Variants in STK3 observed in about 807,000 individuals in gnomAD.
The protein encoded by STK3 is serine/threonine-protein kinase 3.
Under a neutral mutation model 58.0 loss-of-function variants are expected in STK3, and 41 were observed. The ratio of observed to expected loss-of-function variants is 0.71; its 90% CI spans 0.55 to 0.92. STK3 has a LOEUF of 0.92. Among genes scored for constraint, STK3 ranks in the 40% least tolerant of loss-of-function variants. The pLI is 0.00. For missense variants in STK3, 479 were observed against 602.7 expected, an observed-to-expected ratio of 0.79 and a Z score of 2.15; for synonymous variants, 170 against 191.0, an observed-to-expected ratio of 0.89 and a Z score of 0.91.
intron 1 of STK3, among the ~76,000 whole-genome samples, chr8:98,929,002 A>G (rs1839910468): frequency 6.6e-6 from 1 of 152,264 alleles, no homozygotes. Flanking sequence ...ATGGTGGTTC[A>G]TGCCTTTAAT....
intron 2 of STK3, among the ~76,000 whole-genome samples, chr8:98,770,386 G>C (rs1333412556): frequency 2.6e-5 from 4 of 152,172 alleles, no homozygotes; most frequent in African/African-American, 9.7e-5. Flanking sequence ...GAACCCTAAA[G>C]AATATGTGTG....
chr8:98,762,738 G>GT (rs1830708707), intron 3 of STK3, among the ~76,000 whole-genome samples: 1 of 152,226 alleles, frequency 6.6e-6, no homozygotes, highest in African/African-American at 2.4e-5. Flanking sequence ...CACCAGGAGG[G>GT]TAGGGACTAT....
At chr8:98,456,134 A>G in intron 10 of STK3, 134 bp from the exon 11 acceptor site, 1 of 930,222 alleles carries the variant, frequency 1.1e-6, no homozygotes, top group Non-Finnish European at 1.6e-6. Flanking sequence ...TCATCTTTGA[A>G]GTATAGTTCA....
At position 98,428,310 on chromosome 8, in the gene STK3, A is replaced by C. The variant is rs1174796565; in HGVS notation, n.483+5817T>G. The C allele has an allele frequency of 6.2e-7, 1 of 1,614,150 alleles. No homozygotes were observed. Among genetic ancestry groups the C allele is most frequent in the South Asian group, 1.1e-5 (1 of 91,070 alleles). On this transcript the variant is annotated intron_variant and non_coding_transcript_variant, in intron 3 of 3. Transcript: ENST00000517832. The surrounding 1 kb of genome is among the most constrained non-coding windows in gnomAD (Gnocchi z 6.7). ...CCAGGAGATCGAGTACTGGGGCATC[A>C]ACGAGTTCTTCATTGACTCCTGCTG...
chr8:98,364,586 G>A, the STK3 span, among the ~76,000 whole-genome samples: 3 of 152,198 alleles, frequency 2.0e-5, no homozygotes, highest in African/African-American at 4.8e-5. Flanking sequence ...TCTTCCAAAC[G>A]CAATTATGTG....
At chr8:98,571,503 G>T (rs187084095) in intron 8 of STK3, among the ~76,000 whole-genome samples, 6 of 152,240 alleles carry the variant, frequency 3.9e-5, no homozygotes, top group Admixed American at 1.3e-4. Flanking sequence ...CCCATGCTGA[G>T]AATTAATTGC....
chr8:98,842,550 C>A (rs773034313), intron 3 of STK3, among the ~76,000 whole-genome samples: 1 of 151,780 alleles, frequency 6.6e-6, no homozygotes, highest in Non-Finnish European at 1.5e-5. Flanking sequence ...TGGTGGCATG[C>A]GCCTGTAGTC....
chr8:98,598,399 T>G (rs1192669414), intron 6 of STK3: 28 of 985,256 alleles, frequency 2.8e-5, no homozygotes, highest in Admixed American at 6.2e-5. Context: ...TGAACAAGCA[T>G]GAACACCGAG....
intron 3 of STK3, chr8:98,427,100 G>C (rs1484948406): frequency 1.3e-5 from 2 of 150,468 alleles, no homozygotes; most frequent in Non-Finnish European, 3.0e-5. Flanking sequence ...GGCTCCGGGA[G>C]CGGCGGGACC....
At chr8:98,802,173 T>TA (rs990168458) in intron 1 of STK3, among the ~76,000 whole-genome samples, 52 of 151,986 alleles carry the variant, frequency 3.4e-4, no homozygotes, top group African/African-American at 1.2e-3. Flanking sequence ...CCCTGTCTCT[T>TA]AAAAAAATAA....
intron 6 of STK3, among the ~76,000 whole-genome samples, chr8:98,665,628 C>T (rs1292329281): frequency 6.6e-6 from 1 of 151,882 alleles, no homozygotes; most frequent in Admixed American, 6.6e-5. Flanking sequence ...CTCCTAGACT[C>T]AAGGAATCCT....
intron 3 of STK3, among the ~76,000 whole-genome samples, chr8:98,410,300 C>T (rs981949495): frequency 1.3e-5 from 2 of 152,174 alleles, no homozygotes; most frequent in African/African-American, 4.8e-5. Flanking sequence ...GCCGTCCTCT[C>T]GCCTTCATCT....
intron 1 of STK3, among the ~76,000 whole-genome samples, chr8:98,899,492 G>A (rs1838578359): frequency 6.6e-6 from 1 of 152,098 alleles, no homozygotes; most frequent in East Asian, 1.9e-4. Flanking sequence ...TAATAACAAT[G>A]ATTTATATAG....
At chr8:98,741,169 A>T (rs1028124049) in intron 4 of STK3, among the ~76,000 whole-genome samples, 5 of 152,206 alleles carry the variant, frequency 3.3e-5, no homozygotes, top group Admixed American at 6.5e-5. Context: ...CCCCACTGTC[A>T]ACATTAGACA....
chr8:98,434,008 G>T (rs1818397556), intron 3 of STK3: 1 of 152,202 alleles, frequency 6.6e-6, no homozygotes, highest in African/African-American at 2.4e-5. Context: ...GCTCATTTTG[G>T]TTTGTTGCCT....
intron 1 of STK3, among the ~76,000 whole-genome samples, chr8:98,820,333 T>C (rs1378367455): frequency 6.6e-6 from 1 of 152,206 alleles, no homozygotes; most frequent in African/African-American, 2.4e-5. Context: ...TTCAATAGCT[T>C]ATTCTTTTAC....
chr8:98,616,827 C>T (rs1364608534), intron 6 of STK3, among the ~76,000 whole-genome samples: 2 of 149,684 alleles, frequency 1.3e-5, no homozygotes, highest in Admixed American at 1.3e-4. Context: ...CCTGAGTGAC[C>T]TACAAAGAGA....
intron 1 of STK3, among the ~76,000 whole-genome samples, chr8:98,805,333 A>G (rs1833829420): frequency 6.6e-6 from 1 of 152,098 alleles, no homozygotes. Flanking sequence ...TAATCCCAGC[A>G]CTTTGGGAGG....
chr8:98,597,532 G>A, intron 6 of STK3: 6 of 985,356 alleles, frequency 6.1e-6, no homozygotes, highest in African/African-American at 1.7e-5. Context: ...TCAGAACAAT[G>A]CTATAATTTA....
Sources: gnomAD v4.1 joint callset for allele counts (sites outside exome capture counted in the v4.1 genomes callset) on GRCh38, gnomAD v4.1.1 for gene constraint, Gnocchi (gnomAD v3.1) non-coding constraint, MANE v1.5 for transcripts, NCBI Gene and HGNC (gene_info 2026-07-23, HGNC 2026-07-21) for gene names.